Variants in ARL8B observed in about 807,000 individuals in gnomAD.
The protein encoded by ARL8B is ARF like GTPase 8B.
In ARL8B, 9 loss-of-function variants were observed where a neutral mutation model predicts 30.6. That is an observed-to-expected ratio of 0.29 (90% CI 0.18 to 0.51). ARL8B has a LOEUF of 0.51. Among genes scored for constraint, ARL8B ranks in the 20% least tolerant of loss-of-function variants. The pLI is 0.97. For synonymous variants in ARL8B, 74 were observed against 76.0 expected (o/e 0.97, Z 0.14); for missense variants, 130 against 227.2 (o/e 0.57, Z 2.75).
At chr3:5,145,190 T>C (rs966940334) in intron 1 of ARL8B, among the ~76,000 whole-genome samples, 7 of 152,186 alleles carry the variant, frequency 4.6e-5, no homozygotes, top group African/African-American at 1.7e-4. Context: ...TTGTATTCAG[T>C]GATATCTAAG....
intron 1 of ARL8B, among the ~76,000 whole-genome samples, chr3:5,125,062 C>T (rs575625165): frequency 2.6e-5 from 4 of 152,266 alleles, no homozygotes; most frequent in South Asian, 2.1e-4. Flanking sequence ...ATGAGCATGA[C>T]CTTTGAAGTC....
At chr3:5,177,960 C>T (rs2054744512) in intron 6 of ARL8B, among the ~76,000 whole-genome samples, 1 of 152,112 alleles carries the variant, frequency 6.6e-6, no homozygotes, top group Non-Finnish European at 1.5e-5. Context: ...TGTGGTGTTT[C>T]GTTAATGCAT....
In ARL8B at chr3:5,123,943, A is replaced by G. The variant is rs1028587623; in HGVS notation, c.123+1355A>G. On this transcript the variant is annotated intron_variant, in intron 1 of 6. Transcript: ENST00000256496. ...GGCTGGAGTGCAGTGGCGAGATCTC[A>G]GCTCACTGCAACCTCCACCTCCCAG... is the stretch of plus-strand genomic sequence containing the variant. Among the ~76,000 whole-genome samples, 6 of 152,228 alleles carry G rather than the reference A, an allele frequency of 3.9e-5. No individual in the cohort carries two copies. The South Asian group carries it at 8.3e-4, about 21-fold the overall frequency.
chr3:5,161,246 G>A (rs1317152363), intron 1 of ARL8B, among the ~76,000 whole-genome samples: 1 of 152,072 alleles, frequency 6.6e-6, no homozygotes, highest in Non-Finnish European at 1.5e-5. Context: ...TTCAGCCCCT[G>A]TCCCATAAGG....
chr3:5,172,158 CAT>C lies in ARL8B; in HGVS notation c.215_216del (p.Ile72ArgfsTer30). 6.2e-7 allele frequency: 1 copy of C among 1,613,406 alleles called. No individual in the cohort carries two copies. The highest frequency in any genetic ancestry group is 8.5e-7 in the Non-Finnish European group (1 of 1,179,536). ...KGNVTIKIWD[I>X]GGQPRFRSMW... ...CTTGTTTTGATTTAAAGATCTGGGACATAGGAGGACAACCCCGATTTCGAAGC... is the reference window on the plus strand; with the variant it reads ...CTTGTTTTGATTTAAAGATCTGGGACAGGAGGACAACCCCGATTTCGAAGC... On this transcript the variant is annotated frameshift_variant, in exon 3 of 7. Transcript: ENST00000256496. LOFTEE classifies it high-confidence loss of function.
intron 1 of ARL8B, among the ~76,000 whole-genome samples, chr3:5,128,024 C>T (rs1370588779): frequency 6.6e-6 from 1 of 150,448 alleles, no homozygotes; most frequent in Non-Finnish European, 1.5e-5. Context: ...CCCATCTGTA[C>T]TAAAAATACA....
chr3:5,153,365 T>A (rs2054502815), intron 1 of ARL8B, among the ~76,000 whole-genome samples: 2 of 152,178 alleles, frequency 1.3e-5, no homozygotes, highest in Non-Finnish European at 2.9e-5. Context: ...TCTTATGAGA[T>A]CTGATGGTTT....
intron 1 of ARL8B, among the ~76,000 whole-genome samples, chr3:5,161,240 G>A (rs538296276): frequency 6.6e-6 from 1 of 152,086 alleles, no homozygotes; most frequent in Non-Finnish European, 1.5e-5. Flanking sequence ...AAATGATTCA[G>A]CCCCTGTCCC....
chr3:5,161,542 A>G (rs1257996632), intron 1 of ARL8B, among the ~76,000 whole-genome samples: 1 of 152,208 alleles, frequency 6.6e-6, no homozygotes, highest in Admixed American at 6.5e-5. Flanking sequence ...AGAAGAAAAG[A>G]AGCAAAGCCA....
chr3:5,128,527 G>A, intron 1 of ARL8B: 2 of 436,694 alleles, frequency 4.6e-6, no homozygotes, highest in East Asian at 7.5e-5. Context: ...CATTCTAAAT[G>A]CCTGTCTTAG....
chr3:5,131,141 G>C (rs1203324249), intron 1 of ARL8B, among the ~76,000 whole-genome samples: 3 of 152,092 alleles, frequency 2.0e-5, no homozygotes, highest in African/African-American at 7.2e-5. Context: ...TCAAACTCCT[G>C]TGATCTGTCC....
chr3:5,144,944 G>A, intron 1 of ARL8B, among the ~76,000 whole-genome samples: 1 of 152,214 alleles, frequency 6.6e-6, no homozygotes, highest in East Asian at 1.9e-4. Flanking sequence ...AGTGAATATA[G>A]TGCCTTCTTG....
At chr3:5,149,290 C>T (rs543048682) in intron 1 of ARL8B, among the ~76,000 whole-genome samples, 26 of 152,320 alleles carry the variant, frequency 1.7e-4, no homozygotes, top group African/African-American at 3.8e-4. Context: ...TGGCCTCTGC[C>T]GGGTGCTGGA....
chr3:5,167,811 AC>A (rs549925241), intron 1 of ARL8B, among the ~76,000 whole-genome samples: 20 of 152,130 alleles, frequency 1.3e-4, no homozygotes, highest in Non-Finnish European at 2.9e-4. Flanking sequence ...TGTTTCCCAA[AC>A]CTGTAGTCTT....
rs576398368 is a variant in ARL8B at position 5,177,154 on chromosome 3, A to C, written c.512-1510A>C. Among the ~76,000 whole-genome samples the C allele has an allele frequency of 2.0e-5, 3 of 152,262 alleles. No homozygotes were observed. In the South Asian group the frequency reaches 6.2e-4, roughly 32 times the overall value. On this transcript the variant is annotated intron_variant, in intron 6 of 6. Coordinates refer to ENST00000256496, the MANE Select transcript of ARL8B (RefSeq NM_018184.3). ...AAAACAAAATCTCTTGGGCTCATAT[A>C]TGGAAGTGCAGTAGAGCTGTGAGGA...
chr3:5,128,045 T>A, intron 1 of ARL8B, among the ~76,000 whole-genome samples: 1 of 149,362 alleles, frequency 6.7e-6, no homozygotes, highest in Non-Finnish European at 1.5e-5. Flanking sequence ...AAAATTAGCC[T>A]GGCGTTACTC....
chr3:5,161,033 C>T (rs1385612708), intron 1 of ARL8B, among the ~76,000 whole-genome samples: 1 of 152,190 alleles, frequency 6.6e-6, no homozygotes, highest in Non-Finnish European at 1.5e-5. Flanking sequence ...ATCTTCCCAC[C>T]TCAGCCTTCC....
chr3:5,144,288 C>T (rs1190083967), intron 1 of ARL8B, among the ~76,000 whole-genome samples: 1 of 152,182 alleles, frequency 6.6e-6, no homozygotes, highest in Non-Finnish European at 1.5e-5. Context: ...CTTTAGTTTT[C>T]CTACTTTGGG....
At chr3:5,173,738 C>G (rs1015554250) in intron 4 of ARL8B, among the ~76,000 whole-genome samples, 1 of 151,826 alleles carries the variant, frequency 6.6e-6, no homozygotes, top group Non-Finnish European at 1.5e-5. Context: ...AACAAACAAA[C>G]AAACAAAAAG....
Sources: allele counts gnomAD v4.1 joint callset (sites outside exome capture counted in the v4.1 genomes callset), GRCh38; gene constraint gnomAD v4.1.1; transcripts MANE v1.5; gene names NCBI Gene and HGNC (gene_info 2026-07-23, HGNC 2026-07-21).